TEX11: variants seen among roughly 807,000 people sequenced by gnomAD.
TEX11 encodes testis-expressed protein 11.
In TEX11, 7 loss-of-function variants were observed where a neutral mutation model predicts 84.4. That is an observed-to-expected ratio of 0.08 (90% confidence interval 0.05 to 0.16). The LOEUF (loss-of-function observed/expected upper bound fraction) is 0.16, where lower values mean the gene tolerates loss of function less well. Ranked by LOEUF, TEX11 falls within the 10% of genes least tolerant of loss-of-function variation. The probability of loss-of-function intolerance (pLI) is 1.00; values close to 1 mark genes in which losing one functional copy is unlikely to be tolerated. For missense variants in TEX11, 551 were observed against 660.5 expected (o/e 0.83, Z 1.82); for synonymous variants, 264 against 222.8 (o/e 1.18, Z -1.64).
intron 13 of TEX11, among the ~76,000 whole-genome samples, chrX:70,711,897 T>G (rs1283135642): frequency 8.9e-6 from 1 of 111,868 alleles, no homozygotes; most frequent in Non-Finnish European, 1.9e-5. Flanking sequence ...TGCCTAGGTT[T>G]TCTTCTAGGG....
intron 25 of TEX11, among the ~76,000 whole-genome samples, chrX:70,581,185 T>A (rs2088769509): frequency 9.1e-6 from 1 of 109,875 alleles, no homozygotes; most frequent in Non-Finnish European, 1.9e-5. Context: ...AAAAAATTAT[T>A]TATAGAGACA....
intron 2 of TEX11, among the ~76,000 whole-genome samples, chrX:70,903,465 C>A (rs1035960922): frequency 2.7e-5 from 3 of 110,791 alleles, no homozygotes; most frequent in African/African-American, 9.9e-5. Context: ...CCATTAAAAT[C>A]TTCTGGGACC....
At chrX:70,604,354 T>C (rs2089170741) in intron 24 of TEX11, among the ~76,000 whole-genome samples, 1 of 111,654 alleles carries the variant, frequency 9.0e-6, no homozygotes. Flanking sequence ...TTTTTGTTTG[T>C]TTATTTTGCT....
intron 2 of TEX11, among the ~76,000 whole-genome samples, chrX:70,894,264 C>T (rs2091754916): frequency 9.0e-6 from 1 of 111,086 alleles, no homozygotes; most frequent in African/African-American, 3.3e-5. Context: ...GGCAGAGACA[C>T]ACACACGAAA....
In TEX11 at chrX:70,648,768, G is replaced by A. The variant is rs138684438; in HGVS notation, c.1483+2682C>T. ...TGTGCAGAAAGTGCAGTTTTATTACGTAGGCATACGTGTGTCATGGTGGTT... is the reference window on the plus strand; with the variant it reads ...TGTGCAGAAAGTGCAGTTTTATTACATAGGCATACGTGTGTCATGGTGGTT... On this transcript the variant is annotated intron_variant, in intron 17 of 29. Transcript: ENST00000374333. 2.2e-3 allele frequency among the ~76,000 whole-genome samples: 239 copies of A among 110,837 alleles called. No homozygotes were observed. The East Asian group carries it at 0.026, about 12-fold the overall frequency.
intron 2 of TEX11, among the ~76,000 whole-genome samples, chrX:70,887,228 G>A (rs1018366686): frequency 3.6e-5 from 4 of 111,782 alleles, no homozygotes; most frequent in African/African-American, 1.3e-4. Context: ...TTGAGCTTAG[G>A]TGCCACCTTG....
chrX:70,701,590 C>T (rs1433690901), intron 13 of TEX11, among the ~76,000 whole-genome samples: 1 of 112,047 alleles, frequency 8.9e-6, no homozygotes, highest in Admixed American at 9.5e-5. Context: ...ATCCATGGAT[C>T]AAGGAGTAAT....
intron 17 of TEX11, among the ~76,000 whole-genome samples, chrX:70,630,772 C>A (rs1418256734): frequency 2.7e-5 from 3 of 111,560 alleles, no homozygotes; most frequent in Non-Finnish European, 5.7e-5. Flanking sequence ...ATGCCACCTA[C>A]AAGAAATACA....
At chrX:70,781,161 C>T (rs189748872) in intron 9 of TEX11, among the ~76,000 whole-genome samples, 73 of 111,852 alleles carry the variant, frequency 6.5e-4, no homozygotes, top group African/African-American at 2.2e-3. Context: ...CTGGTGATAC[C>T]CAGGCAAACA....
intron 11 of TEX11, among the ~76,000 whole-genome samples, chrX:70,733,533 C>T (rs2090671403): frequency 1.8e-5 from 2 of 111,269 alleles, no homozygotes; most frequent in Admixed American, 1.9e-4. Context: ...ATTTATACAG[C>T]CAAAAAAAAC....
chrX:70,584,762 T>C (rs1208466009), intron 25 of TEX11, among the ~76,000 whole-genome samples: 2 of 111,986 alleles, frequency 1.8e-5, no homozygotes, highest in African/African-American at 6.5e-5. Context: ...TAATGTAATA[T>C]ACCACATCAA....
chrX:70,662,796 A>G (rs986075795), intron 16 of TEX11, among the ~76,000 whole-genome samples: 1 of 111,511 alleles, frequency 9.0e-6, no homozygotes, highest in Non-Finnish European at 1.9e-5. Context: ...GGAAAGATAA[A>G]TCTAACCTAT....
intron 9 of TEX11, among the ~76,000 whole-genome samples, chrX:70,754,611 G>A (rs1218048192): frequency 9.0e-6 from 1 of 111,343 alleles, no homozygotes; most frequent in Admixed American, 9.6e-5. Flanking sequence ...AAACATAGGT[G>A]GTAGGTAGAG....
At chrX:70,794,720 G>C (rs1199500844) in intron 9 of TEX11, among the ~76,000 whole-genome samples, 2 of 110,036 alleles carry the variant, frequency 1.8e-5, no homozygotes, top group Admixed American at 1.9e-4. Context: ...CACAACCAGG[G>C]CCAGAAGGGG....
rs367895713 is a variant in TEX11 at position 70,610,533 on chromosome X, T to C, written c.1762A>G (p.Met588Val). 2.5e-6 allele frequency: 3 copies of C among 1,204,538 alleles called. No individual in the cohort carries two copies. The highest frequency in any genetic ancestry group is 3.4e-6 in the Non-Finnish European group (3 of 892,030). Residue 588 changes from methionine to valine, a missense_variant, in exon 21 of 30, where the codon ATG (methionine) becomes GTG (valine). Coordinates refer to ENST00000374333, the MANE Select transcript of TEX11 (RefSeq NM_031276.3). ...TTCAGGCAAGTCAAAAGTCGATCCA[T>C]TTCTTTCTTCCTAAAAATAAAGAAA... ...MPESEDKKKE[M>V]DRLLTCLNRA... is the part of the protein sequence containing the mutation.
rs201565038 is a variant in TEX11 at position 70,714,158 on chromosome X, A to T, written c.1004+8460T>A. ...TTCATTGCACTGTGGTCTGAGAGACAGTTTGTTATAATTTCTGTTCTTTTA... is the reference window on the plus strand; with the variant it reads ...TTCATTGCACTGTGGTCTGAGAGACTGTTTGTTATAATTTCTGTTCTTTTA... On this transcript the variant is annotated intron_variant, in intron 13 of 29. Transcript: ENST00000374333. Among the ~76,000 whole-genome samples the T allele has an allele frequency of 2.4e-3, 270 of 111,497 alleles. 3 individuals are homozygous for T. The South Asian group carries it at 0.035, about 15-fold the overall frequency.
At chrX:70,678,763 C>T (rs750942961) in intron 15 of TEX11, 41 bp downstream of exon 15, 2 of 1,083,303 alleles carry the variant, frequency 1.8e-6, no homozygotes, top group East Asian at 6.1e-5. Flanking sequence ...TTTTTTGTTG[C>T]AGTGGAGAAA....
chrX:70,558,422 C>G (rs765578586), intron 25 of TEX11, among the ~76,000 whole-genome samples: 1 of 111,043 alleles, frequency 9.0e-6, no homozygotes, highest in Non-Finnish European at 1.9e-5. Flanking sequence ...AGAATTAACT[C>G]GAAATAGATC....
chrX:70,828,660 T>C (rs2091359672), intron 8 of TEX11, among the ~76,000 whole-genome samples: 1 of 109,790 alleles, frequency 9.1e-6, no homozygotes, highest in Admixed American at 9.8e-5. Context: ...GAAAGAGCTA[T>C]GGGTAAGAAG....
Sources: gnomAD v4.1 joint callset for allele counts (sites outside exome capture counted in the v4.1 genomes callset) on GRCh38, gnomAD v4.1.1 for gene constraint, MANE v1.5 for transcripts, NCBI Gene and HGNC (gene_info 2026-07-23, HGNC 2026-07-21) for gene names.